MAP2K3: variants seen among roughly 807,000 people sequenced by gnomAD.
The protein encoded by MAP2K3 is dual specificity mitogen-activated protein kinase kinase 3.
MAP2K3 carries 30 observed loss-of-function variants against 46.4 expected under a neutral mutation model. That is an observed-to-expected ratio of 0.65 (90% CI 0.48 to 0.88). The LOEUF (loss-of-function observed/expected upper bound fraction) is 0.88. MAP2K3 is among the 40% of genes least tolerant of loss of function. The probability of loss-of-function intolerance (pLI) is 0.00; values close to 1 mark genes in which losing one functional copy is unlikely to be tolerated. For synonymous variants in MAP2K3, 189 were observed against 176.3 expected (o/e 1.07, Z -0.57); for missense variants, 380 against 464.5 (o/e 0.82, Z 1.67).
chr17:21,294,481 C>T (rs866255241), intron 1 of MAP2K3, among the ~76,000 whole-genome samples: 1,261 of 151,774 alleles, frequency 8.3e-3, no homozygotes, highest in African/African-American at 0.029. Context: ...AGCTTGGTCT[C>T]CCCAGGCCCA....
intron 1 of MAP2K3, among the ~76,000 whole-genome samples, chr17:21,294,515 G>A (rs1976130028): frequency 6.6e-6 from 1 of 152,308 alleles, no homozygotes; most frequent in African/African-American, 2.4e-5. Flanking sequence ...AGCCGAAGTG[G>A]GGGCCCTGCC....
intron 9 of MAP2K3, among the ~76,000 whole-genome samples, chr17:21,306,059 C>T (rs1357568091): frequency 3.3e-5 from 5 of 152,344 alleles, no homozygotes; most frequent in African/African-American, 1.2e-4. Flanking sequence ...TCCAACACCG[C>T]AACCCATTCT....
intron 1 of MAP2K3, among the ~76,000 whole-genome samples, chr17:21,292,388 C>CTT (rs1975991385): frequency 6.7e-6 from 1 of 148,692 alleles, no homozygotes. Context: ...TTCTTCTTCT[C>CTT]ATTTTTTTTT....
At chr17:21,286,805 A>T (rs973633695) in intron 1 of MAP2K3, among the ~76,000 whole-genome samples, 1 of 152,234 alleles carries the variant, frequency 6.6e-6, no homozygotes, top group Non-Finnish European at 1.5e-5. Context: ...ATGTGGACCC[A>T]GGTCCTAGAT....
intron 7 of MAP2K3, 78 bp from the exon 8 acceptor site, chr17:21,304,348 G>A (rs1976770962): frequency 6.2e-7 from 1 of 1,608,746 alleles, no homozygotes; most frequent in African/African-American, 1.3e-5. Flanking sequence ...GAGGGAGGGG[G>A]GCACAGCTAT....
chr17:21,301,128 CTT>C, intron 5 of MAP2K3, 135 bp downstream of exon 5: 1 of 1,458,914 alleles, frequency 6.9e-7, no homozygotes, highest in Non-Finnish European at 9.4e-7. Flanking sequence ...TCCCCCGTCT[CTT>C]GGCTGTTACT....
chr17:21,304,150 C>A (rs73311597), intron 7 of MAP2K3, among the ~76,000 whole-genome samples: 23,702 of 142,992 alleles, frequency 0.17, no homozygotes, highest in African/African-American at 0.25. Flanking sequence ...CAGCAAAGCA[C>A]CTGGAGTCCT....
At chr17:21,291,492 C>T (rs1975933803) in intron 1 of MAP2K3, 2 of 456,350 alleles carry the variant, frequency 4.4e-6, no homozygotes, top group Non-Finnish European at 8.8e-6. Flanking sequence ...CCTTGCTGAC[C>T]TCGAGCCGGG....
intron 9 of MAP2K3, among the ~76,000 whole-genome samples, chr17:21,308,273 A>G (rs946761852): frequency 1.3e-5 from 2 of 152,066 alleles, no homozygotes; most frequent in African/African-American, 4.8e-5. Context: ...TCAGCCTCTC[A>G]AGTAGCTAGG....
chr17:21,303,337 G>A, intron 7 of MAP2K3, 103 bp downstream of exon 7: 2 of 1,513,958 alleles, frequency 1.3e-6, no homozygotes, highest in Non-Finnish European at 9.0e-7. Flanking sequence ...TCCGAGAGGT[G>A]ATAGGTTGTG....
intron 1 of MAP2K3, among the ~76,000 whole-genome samples, chr17:21,286,107 C>T (rs375840796): frequency 9.6e-4 from 146 of 152,306 alleles, no homozygotes; most frequent in African/African-American, 3.4e-3. Flanking sequence ...GTAATCGCAC[C>T]TGCTTCTGTG....
intron 6 of MAP2K3, among the ~76,000 whole-genome samples, chr17:21,302,461 T>C (rs1261538974): frequency 6.6e-6 from 1 of 152,310 alleles, no homozygotes; most frequent in Non-Finnish European, 1.5e-5. Flanking sequence ...AGACCTCCGC[T>C]CCTGGGGCTC....
At chr17:21,305,019 G>C in intron 8 of MAP2K3, 32 bp from the exon 9 acceptor site, 2 of 1,614,084 alleles carry the variant, frequency 1.2e-6, no homozygotes, top group South Asian at 2.2e-5. Context: ...TACCTGGGGC[G>C]GGTGTTCACG....
intron 1 of MAP2K3, chr17:21,291,341 TACAATACAAC>T: frequency 1.1e-5 from 1 of 92,114 alleles, no homozygotes; most frequent in Non-Finnish European, 2.2e-5. Context: ...TACAGTACAA[TACAATACAAC>T]ACAACACAAC....
intron 1 of MAP2K3, among the ~76,000 whole-genome samples, chr17:21,288,804 G>A (rs1010444640): frequency 2.6e-5 from 4 of 152,350 alleles, no homozygotes; most frequent in Middle Eastern, 3.4e-3. Context: ...GAACCCAGCC[G>A]AGGCATGCCT....
intron 1 of MAP2K3, among the ~76,000 whole-genome samples, chr17:21,295,012 T>G (rs1976159226): frequency 1.3e-5 from 2 of 152,310 alleles, no homozygotes; most frequent in South Asian, 2.1e-4. Context: ...AGAGAAGCCA[T>G]CAGGCCACAG....
At chr17:21,285,120 G>A (rs1975689385) in intron 1 of MAP2K3, 151 bp downstream of exon 1, 3 of 1,324,376 alleles carry the variant, frequency 2.3e-6, no homozygotes, top group Non-Finnish European at 2.0e-6. Context: ...GGGGTCCCGG[G>A]ACCAGCCCCC....
chr17:21,292,909 G>A (rs542811284), intron 1 of MAP2K3, among the ~76,000 whole-genome samples: 1 of 152,428 alleles, frequency 6.6e-6, no homozygotes, highest in Admixed American at 6.5e-5. Context: ...CCATGTGCCA[G>A]CCTTTTGATT....
At chr17:21,298,812 T>C in intron 2 of MAP2K3, 66 bp from the exon 3 acceptor site, 3 of 1,611,868 alleles carry the variant, frequency 1.9e-6, no homozygotes, top group Non-Finnish European at 2.5e-6. Flanking sequence ...CACTGGCCCA[T>C]CTACTGCTGC....
Sources: allele counts gnomAD v4.1 joint callset (sites outside exome capture counted in the v4.1 genomes callset), GRCh38; gene constraint gnomAD v4.1.1; transcripts MANE v1.5; gene names NCBI Gene and HGNC (gene_info 2026-07-23, HGNC 2026-07-21).